ASCC3: variants seen among roughly 807,000 people sequenced by gnomAD.
ASCC3 encodes the protein ASC-1 complex subunit P200.
In ASCC3, 158 loss-of-function variants were observed where a neutral mutation model predicts 256.3. That is an observed-to-expected ratio of 0.62 (90% CI 0.54 to 0.70). The LOEUF (loss-of-function observed/expected upper bound fraction) is 0.70. Among genes scored for constraint, ASCC3 ranks in the 30% least tolerant of loss-of-function variants. ASCC3 has a pLI of 0.00. For missense variants in ASCC3, 2,259 were observed against 2,626.0 expected, an observed-to-expected ratio of 0.86 and a Z score of 3.05; for synonymous variants, 948 against 883.4, an observed-to-expected ratio of 1.07 and a Z score of -1.30.
chr6:100,803,848 A>G (rs1369359581), intron 5 of ASCC3, among the ~76,000 whole-genome samples: 1 of 152,104 alleles, frequency 6.6e-6, no homozygotes, highest in East Asian at 1.9e-4. Flanking sequence ...TGAGGACGTA[A>G]CTTACAAGAA....
chr6:100,607,228 T>A, intron 30 of ASCC3, 140 bp from the exon 31 acceptor site: 1 of 873,988 alleles, frequency 1.1e-6, no homozygotes, highest in Non-Finnish European at 1.8e-6. Flanking sequence ...CAGTTATGAT[T>A]AAAGTTCAAC....
At chr6:100,740,357 T>C (rs1337605721) in intron 10 of ASCC3, among the ~76,000 whole-genome samples, 1 of 152,220 alleles carries the variant, frequency 6.6e-6, no homozygotes, top group Non-Finnish European at 1.5e-5. Flanking sequence ...TCCGATTATG[T>C]GATCAATTTT....
chr6:100,513,011 C>T (rs1773850131), intron 39 of ASCC3, 93 bp from the exon 40 acceptor site: 3 of 1,116,970 alleles, frequency 2.7e-6, no homozygotes, highest in Non-Finnish European at 3.9e-6. Flanking sequence ...CGAAAATTAA[C>T]CTTTTAATGT....
In ASCC3 at chr6:100,517,978, G is replaced by C; in HGVS notation, c.5927+13C>G. On this transcript the variant is annotated intron_variant, in intron 38 of 41. Transcript: ENST00000369162. Reference sequence around the variant, plus strand: ...CAAAACAAAACAATTACATTGAAAAGTAAAACAATTACTTGAAAAGGTGAA... The same window carrying C: ...CAAAACAAAACAATTACATTGAAAACTAAAACAATTACTTGAAAAGGTGAA... The C allele has an allele frequency of 6.2e-7, 1 of 1,611,960 alleles. No homozygotes were observed. Among genetic ancestry groups the C allele is most frequent in the Non-Finnish European group, 8.5e-7 (1 of 1,178,468 alleles).
At chr6:100,582,621 A>G (rs1312564392) in intron 36 of ASCC3, among the ~76,000 whole-genome samples, 1 of 151,944 alleles carries the variant, frequency 6.6e-6, no homozygotes, top group East Asian at 1.9e-4. Context: ...TTCCAACACT[A>G]TGTTGAATAG....
chr6:100,511,284 G>A (rs1255241145), intron 40 of ASCC3, among the ~76,000 whole-genome samples: 1 of 152,044 alleles, frequency 6.6e-6, no homozygotes, highest in Non-Finnish European at 1.5e-5. Flanking sequence ...TGGGTATGGT[G>A]GCAGGCACCT....
intron 5 of ASCC3, among the ~76,000 whole-genome samples, chr6:100,802,825 T>A (rs1325815116): frequency 6.6e-6 from 1 of 151,544 alleles, no homozygotes; most frequent in Non-Finnish European, 1.5e-5. Context: ...CATGGGGAGA[T>A]CTCATCTTTA....
intron 4 of ASCC3, among the ~76,000 whole-genome samples, chr6:100,815,287 C>T (rs1770685167): frequency 6.6e-6 from 1 of 152,006 alleles, no homozygotes; most frequent in Admixed American, 6.6e-5. Flanking sequence ...AATGGAAAAA[C>T]ATTCCATGCT....
At chr6:100,772,918 G>T (rs574417137) in intron 8 of ASCC3, among the ~76,000 whole-genome samples, 1 of 152,200 alleles carries the variant, frequency 6.6e-6, no homozygotes, top group East Asian at 1.9e-4. Flanking sequence ...GCAAGGTAAA[G>T]GTGTTATCTT....
At chr6:100,769,394 ATACT>A (rs1189393048) in intron 8 of ASCC3, among the ~76,000 whole-genome samples, 1 of 152,034 alleles carries the variant, frequency 6.6e-6, no homozygotes, top group Non-Finnish European at 1.5e-5. Flanking sequence ...GAAATAATAA[ATACT>A]TAAAGTGACA....
chr6:100,638,833 C>T lies in ASCC3; in HGVS notation c.3902-12G>A. ...AAGATCCAGTAATTCTGAAAAGACC[C>T]AACAGGATGGCTATACGACAATTGA... On this transcript the variant is annotated splice_polypyrimidine_tract_variant and intron_variant, in intron 24 of 41. Coordinates refer to ENST00000369162, the MANE Select transcript of ASCC3 (RefSeq NM_006828.4). 1 of 1,607,354 alleles carries T rather than the reference C, an allele frequency of 6.2e-7. No homozygotes were observed. Among genetic ancestry groups the T allele is most frequent in the Non-Finnish European group, 8.5e-7 (1 of 1,173,946 alleles).
intron 36 of ASCC3, among the ~76,000 whole-genome samples, chr6:100,579,867 T>C (rs925537356): frequency 6.6e-5 from 10 of 152,178 alleles, no homozygotes; most frequent in African/African-American, 2.2e-4. Context: ...GTGAAGAATG[T>C]CATTGGTAGT....
At chr6:100,668,270 C>T (rs239219) in intron 14 of ASCC3, among the ~76,000 whole-genome samples, 85,433 of 151,558 alleles carry the variant, frequency 0.56, 24,288 homozygotes, top group East Asian at 0.73. Flanking sequence ...ATCAGCAAAA[C>T]GAAAATATCA....
Position 100,608,876 on chromosome 6 carries a change from G to A in ASCC3, c.4786-1788C>T, listed in dbSNP as rs939913325. Among the ~76,000 whole-genome samples, 4 of 142,642 alleles carry A rather than the reference G, an allele frequency of 2.8e-5. No individual in the cohort carries two copies. The East Asian group carries it at 8.3e-4, about 30-fold the overall frequency. The allele number at this position is 142,642 out of a possible 152,430, so 93.6% of individuals were successfully genotyped here. A position where few individuals can be genotyped will look rare whatever the true frequency, so the allele number is the denominator to read the frequency against. On this transcript the variant is annotated intron_variant, in intron 30 of 41. Coordinates refer to ENST00000369162, the MANE Select transcript of ASCC3 (RefSeq NM_006828.4). ...CCTCCCGGGTTCACGCCATTCTCCT[G>A]CCTCAGCCTCCCGAGTAGCTGGGAC...
At chr6:100,580,228 A>T (rs971169103) in intron 36 of ASCC3, among the ~76,000 whole-genome samples, 8 of 152,076 alleles carry the variant, frequency 5.3e-5, no homozygotes, top group Non-Finnish European at 7.4e-5. Context: ...GTAACACTTA[A>T]ATTGACTACA....
intron 24 of ASCC3, among the ~76,000 whole-genome samples, chr6:100,641,039 T>C (rs1382956739): frequency 6.6e-6 from 1 of 152,136 alleles, no homozygotes; most frequent in Non-Finnish European, 1.5e-5. Context: ...TTAAAATCAA[T>C]TCTGAAAAAG....
intron 15 of ASCC3, 106 bp downstream of exon 15, chr6:100,662,239 A>G: frequency 8.0e-7 from 1 of 1,256,086 alleles, no homozygotes; most frequent in Non-Finnish European, 1.1e-6. Flanking sequence ...ATAACATTCA[A>G]AGTCAAGGAA....
rs1446572256 is a variant in ASCC3 at position 100,704,836 on chromosome 6, A to AT, written c.2151+10625dup. On this transcript the variant is annotated intron_variant, in intron 13 of 41. Coordinates refer to ENST00000369162, the MANE Select transcript of ASCC3 (RefSeq NM_006828.4). ...CAAAGAATTTAACTTTTTTGACAAT[A>AT]TGGAAAAGAACCTAAATTAACTTAC... 3.9e-5 allele frequency among the ~76,000 whole-genome samples: 6 copies of AT among 152,064 alleles called. No homozygotes were observed. In the East Asian group the frequency reaches 1.2e-3, roughly 29 times the overall value.
rs1295982162 is a variant in ASCC3, at chr6:100,650,616, G to A, written c.3174C>T (p.Asn1058=). The A allele has an allele frequency of 6.2e-7, 1 of 1,612,798 alleles. No homozygotes were observed. Among genetic ancestry groups the A allele is most frequent in the Non-Finnish European group, 8.5e-7 (1 of 1,179,114 alleles). The change falls in exon 20 of 42, where the codon AAC becomes AAT. Residue 1058 remains asparagine, a synonymous_variant. Transcript: ENST00000369162. The stretch of plus-strand genomic sequence containing the variant: ...GGCTGATATAAGTTTGAAGTAAGAT[G>A]TTTATTTTCCCATAACTATTCTCTA... The part of the protein sequence containing the change: ...GGVENSYGKI[N]ILLQTYISRG...
Sources: allele counts gnomAD v4.1 joint callset (sites outside exome capture counted in the v4.1 genomes callset), GRCh38; gene constraint gnomAD v4.1.1; transcripts MANE v1.5; gene names NCBI Gene and HGNC (gene_info 2026-07-23, HGNC 2026-07-21).